SCN7A: variants seen among roughly 807,000 people sequenced by gnomAD.
SCN7A encodes the protein sodium voltage-gated channel alpha subunit 7, also known as sodium channel protein type 7 subunit alpha.
Under a neutral mutation model 155.2 loss-of-function variants are expected in SCN7A, and 138 were observed. The observed-to-expected ratio is 0.89, with a 90% CI of 0.77 to 1.02. The LOEUF is 1.02. Among genes scored for constraint, SCN7A ranks in the 50% least tolerant of loss-of-function variants. The probability of loss-of-function intolerance (pLI) is 0.00; values close to 1 mark genes in which losing one functional copy is unlikely to be tolerated. For missense variants in SCN7A, 2,058 were observed against 1,986.6 expected, an observed-to-expected ratio of 1.04 and a Z score of -0.68; for synonymous variants, 693 against 649.0, an observed-to-expected ratio of 1.07 and a Z score of -1.03.
At chr2:166,460,650 A>G (rs974415176) in intron 10 of SCN7A, among the ~76,000 whole-genome samples, 1 of 152,180 alleles carries the variant, frequency 6.6e-6, no homozygotes, top group African/African-American at 2.4e-5. Flanking sequence ...GAAGCCTGAA[A>G]CTGAAGGCAG....
intron 3 of SCN7A, among the ~76,000 whole-genome samples, chr2:166,475,098 A>ATATACG (rs1384751209): frequency 4.5e-4 from 38 of 84,860 alleles, no homozygotes; most frequent in South Asian, 1.2e-3. Context: ...ATATACACAT[A>ATATACG]TATATGTATA....
At position 166,406,136 on chromosome 2, in the gene SCN7A, A is replaced by C; in HGVS notation, c.4493T>G (p.Phe1498Cys). 1.2e-6 allele frequency: 2 copies of C among 1,611,930 alleles called. No homozygotes were observed. Among genetic ancestry groups the C allele is most frequent in the Non-Finnish European group, 1.7e-6 (2 of 1,178,884 alleles). ...TTTCTTCTTAGAAGCAATATTTAAA[A>C]ACTCCATGACAACAACAATGTACAT... is the stretch of plus-strand genomic sequence containing the variant. ...VNMYIVVVME[F>C]LNIASKKKNK... Residue 1498 changes from phenylalanine (F) to cysteine (C), a missense_variant, in exon 26 of 26, where the codon TTT becomes TGT. By Grantham distance (205) the Phe-to-Cys change is radical. Transcript: ENST00000643258.
chr2:166,433,264 CCA>C (rs994549210), intron 15 of SCN7A, among the ~76,000 whole-genome samples: 2 of 152,058 alleles, frequency 1.3e-5, no homozygotes, highest in African/African-American at 4.8e-5. Flanking sequence ...TTTAGCCATT[CCA>C]CAATGTATGT....
At chr2:166,414,057 TA>T (rs1209332484) in intron 21 of SCN7A, among the ~76,000 whole-genome samples, 2 of 84,232 alleles carry the variant, frequency 2.4e-5, no homozygotes, top group African/African-American at 4.3e-5. Context: ...TGTAAATATA[TA>T]AAAATATATT....
chr2:166,453,948 T>C (rs1559112757), intron 11 of SCN7A, among the ~76,000 whole-genome samples: 1 of 152,160 alleles, frequency 6.6e-6, no homozygotes, highest in Non-Finnish European at 1.5e-5. Flanking sequence ...AAATTCTTCA[T>C]GATAAAATGT....
chr2:166,489,767 G>C (rs1483947602), intron 1 of SCN7A, among the ~76,000 whole-genome samples: 1 of 152,080 alleles, frequency 6.6e-6, no homozygotes, highest in Non-Finnish European at 1.5e-5. Flanking sequence ...GGTCAGTCCA[G>C]TTTGGCTTCA....
At chr2:166,414,642 G>C (rs1701320936) in intron 21 of SCN7A, 1 of 143,108 alleles carries the variant, frequency 7.0e-6, no homozygotes, top group African/African-American at 2.6e-5. Context: ...TTGGCTTCCT[G>C]GGATTCATTG....
rs758432472 is a variant in SCN7A at position 166,441,380 on chromosome 2, A to T, written c.2157+16T>A. 2.0e-6 allele frequency: 3 copies of T among 1,525,824 alleles called. No homozygotes were observed. The highest frequency in any genetic ancestry group is 1.4e-5 in the African/African-American group (1 of 72,154). 94.5% of individuals were successfully genotyped at this position (1,525,824 alleles called of 1,614,324 possible). ...TACCAGTTTTCATGGAAAATGTAAA[A>T]GAATTGACTACTTACCAGTAAATTT... is the stretch of plus-strand genomic sequence containing the variant. On this transcript the variant is annotated intron_variant, in intron 15 of 25. Coordinates refer to ENST00000643258, the MANE Select transcript of SCN7A (RefSeq NM_002976.4).
At position 166,409,849 on chromosome 2, in the gene SCN7A, TA is replaced by T; in HGVS notation, c.3797del (p.Ile1266LysfsTer3). ...IVMVLICFQA[I>X]AMMIDTDVQS... ...GAACATCAGTGTCTATCATCATGGC[TA>T]TTGCTTGGAAACATATAAGAACCAT... is the stretch of plus-strand genomic sequence containing the variant. On this transcript the variant is annotated frameshift_variant, in exon 25 of 26. Coordinates refer to ENST00000643258, the MANE Select transcript of SCN7A (RefSeq NM_002976.4). LOFTEE classifies it high-confidence loss of function. 6.4e-7 allele frequency: 1 copy of T among 1,570,926 alleles called. No individual in the cohort carries two copies. Among genetic ancestry groups the T allele is most frequent in the Non-Finnish European group, 8.7e-7 (1 of 1,155,850 alleles).
At chr2:166,415,193 T>C (rs1230270326) in intron 21 of SCN7A, among the ~76,000 whole-genome samples, 3 of 148,788 alleles carry the variant, frequency 2.0e-5, no homozygotes, top group African/African-American at 7.4e-5. Context: ...CTTCATCCAA[T>C]GGGGCAGAGA....
chr2:166,490,807 T>C (rs1683083102), intron 1 of SCN7A, among the ~76,000 whole-genome samples: 1 of 152,194 alleles, frequency 6.6e-6, no homozygotes, highest in South Asian at 2.1e-4. Flanking sequence ...CTGCCCTCCC[T>C]GCAACTCTCC....
In SCN7A at chr2:166,409,737, C is replaced by T. The variant is rs537278563; in HGVS notation, c.3910G>A (p.Ala1304Thr). The change falls in exon 25 of 26, where the codon GCT becomes ACT. Residue 1304 changes from alanine to threonine, a missense_variant. By Grantham distance (58) the Ala-to-Thr change is moderately conservative. Coordinates refer to ENST00000643258, the MANE Select transcript of SCN7A (RefSeq NM_002976.4). ...ATGGTGAAATAAAAACAACGGAAAG[C>T]GATGAGCTTCAGTATACATTCCATA... Reference protein sequence around the residue: ...YTMECILKLIAFRCFYFTIAW... With the variant: ...YTMECILKLITFRCFYFTIAW... The T allele has an allele frequency of 5.4e-5, 84 of 1,549,332 alleles. No homozygotes were observed. Among genetic ancestry groups the T allele is most frequent in the East Asian group, 1.2e-4 (5 of 41,484 alleles).
At chr2:166,429,759 G>A (rs1701695550) in intron 16 of SCN7A, among the ~76,000 whole-genome samples, 2 of 151,964 alleles carry the variant, frequency 1.3e-5, no homozygotes, top group Admixed American at 1.3e-4. Flanking sequence ...CACAGGATGG[G>A]ATTTATCATG....
Position 166,413,075 on chromosome 2 carries a change from G to T in SCN7A, c.3461C>A (p.Ser1154Tyr), listed in dbSNP as rs200311754. The change falls in exon 22 of 26, where the codon TCT becomes TAT. Residue 1154 changes from serine to tyrosine, a missense_variant. Transcript: ENST00000643258. ...AAATGATATTATACTTACAGCAACAGAATCAATTGCTGAATTCATAATAGT... is the reference window on the plus strand; with the variant it reads ...AAATGATATTATACTTACAGCAACATAATCAATTGCTGAATTCATAATAGT... ...WITIMNSAID[S>Y]VAVNIQPHFE... is the part of the protein sequence containing the mutation. 4.6e-4 allele frequency: 697 copies of T among 1,529,930 alleles called. No individual in the cohort carries two copies. The highest frequency in any genetic ancestry group is 6.0e-4 in the Non-Finnish European group (677 of 1,137,138). The allele number at this position is 1,529,930 out of a possible 1,614,324, so 94.8% of individuals were successfully genotyped here. A position where few individuals can be genotyped will look rare whatever the true frequency, so the allele number is the denominator to read the frequency against.
intron 11 of SCN7A, among the ~76,000 whole-genome samples, chr2:166,449,622 T>C (rs1185198513): frequency 2.6e-5 from 4 of 152,004 alleles, no homozygotes; most frequent in African/African-American, 9.7e-5. Flanking sequence ...CTCTTTTTTT[T>C]CCAGTGGGTA....
At chr2:166,412,241 T>A (rs955038822) in intron 23 of SCN7A, among the ~76,000 whole-genome samples, 3 of 152,080 alleles carry the variant, frequency 2.0e-5, no homozygotes, top group African/African-American at 7.2e-5. Flanking sequence ...AAATTTTACT[T>A]ACAGTATTTA....
Position 166,403,756 on chromosome 2 carries a change from G to A in SCN7A, c.*1824C>T, listed in dbSNP as rs1244427055. On this transcript the variant is annotated 3_prime_UTR_variant, in exon 26 of 26. Transcript: ENST00000643258. ...TGTTGTCTTTACGCAATTTACAGAA[G>A]CAAGTTATGATTCAATTTAAGTATC... is the stretch of plus-strand genomic sequence containing the variant. 1 of 151,908 alleles carries A rather than the reference G, an allele frequency of 6.6e-6. No individual in the cohort carries two copies. The highest frequency in any genetic ancestry group is 1.5e-5 in the Non-Finnish European group (1 of 67,930). 9.4% of individuals were successfully genotyped at this position (151,908 alleles called of 1,614,324 possible). A position where few individuals can be genotyped will look rare whatever the true frequency, so the allele number is the denominator to read the frequency against.
chr2:166,464,163 T>C (rs753616732), intron 9 of SCN7A, among the ~76,000 whole-genome samples: 24 of 118,426 alleles, frequency 2.0e-4, no homozygotes, highest in Non-Finnish European at 3.5e-4. Flanking sequence ...TATATACACA[T>C]ATGTGTGTAT....
chr2:166,406,493 G>T lies in SCN7A; in HGVS notation c.4136C>A (p.Ala1379Glu). 6.2e-7 allele frequency: 1 copy of T among 1,612,874 alleles called. No individual in the cohort carries two copies. Reference protein sequence around the residue: ...LMLPLMLSLPALLNIILLIFL... With the variant: ...LMLPLMLSLPELLNIILLIFL... The stretch of plus-strand genomic sequence containing the variant: ...GATGAGAAGAATGATGTTCAATAAT[G>T]CTGGGAGGGACAGCATCAAAGGAAG... Residue 1379 changes from alanine (A) to glutamate (E), a missense_variant, in exon 26 of 26, where the codon GCA (alanine) becomes GAA (glutamate). By Grantham distance (107) the Ala-to-Glu change is moderately radical. Coordinates refer to ENST00000643258, the MANE Select transcript of SCN7A (RefSeq NM_002976.4).
Sources: allele counts gnomAD v4.1 joint callset (sites outside exome capture counted in the v4.1 genomes callset), GRCh38; gene constraint gnomAD v4.1.1; transcripts MANE v1.5; gene names NCBI Gene and HGNC (gene_info 2026-07-23, HGNC 2026-07-21).